PIK3CB: variants seen among roughly 807,000 people sequenced by gnomAD.
PIK3CB encodes phosphatidylinositol 4,5-bisphosphate 3-kinase catalytic subunit beta isoform.
In PIK3CB, 39 loss-of-function variants were observed where a neutral mutation model predicts 136.8. The observed-to-expected ratio is 0.29, with a 90% CI of 0.22 to 0.37. The LOEUF (loss-of-function observed/expected upper bound fraction) is 0.37. Among genes scored for constraint, PIK3CB ranks in the 10% least tolerant of loss-of-function variants. The probability of loss-of-function intolerance (pLI) is 1.00; values close to 1 mark genes in which losing one functional copy is unlikely to be tolerated. For synonymous variants in PIK3CB, 428 were observed against 436.6 expected, an observed-to-expected ratio of 0.98 and a Z score of 0.25; for missense variants, 868 against 1,275.4, an observed-to-expected ratio of 0.68 and a Z score of 4.87.
At chr3:138,726,583 G>A (rs2044841916) in intron 8 of PIK3CB, among the ~76,000 whole-genome samples, 1 of 152,144 alleles carries the variant, frequency 6.6e-6, no homozygotes, top group Non-Finnish European at 1.5e-5. Context: ...GAAACAAAAA[G>A]AGGAGAAAAA....
intron 8 of PIK3CB, among the ~76,000 whole-genome samples, chr3:138,727,306 C>T (rs1213859530): frequency 1.3e-5 from 2 of 152,222 alleles, no homozygotes; most frequent in Non-Finnish European, 2.9e-5. Context: ...ATGATACTGT[C>T]AGCTTTAAGG....
chr3:138,736,921 C>T (rs1297594568), intron 6 of PIK3CB, among the ~76,000 whole-genome samples: 2 of 152,028 alleles, frequency 1.3e-5, no homozygotes, highest in Non-Finnish European at 2.9e-5. Context: ...TGGATAATCA[C>T]AAATAAGTTT....
chr3:138,830,515 C>T lies in PIK3CB; in HGVS notation c.-122+4180G>A, dbSNP rs892338856. Among the ~76,000 whole-genome samples, 3 of 150,170 alleles carry T rather than the reference C, an allele frequency of 2.0e-5. No individual in the cohort carries two copies. The South Asian group carries it at 6.4e-4, about 32-fold the overall frequency. On this transcript the variant is annotated intron_variant, in intron 1 of 23. Coordinates refer to ENST00000674063, the MANE Select transcript of PIK3CB (RefSeq NM_006219.3). ...TTGCAGCGAGCCAAGATGGCGCCAC[C>T]GCACTCCAGCCTGAACGGCAGAGCA... is the stretch of plus-strand genomic sequence containing the variant.
chr3:138,781,675 G>A (rs1007915634), intron 2 of PIK3CB, among the ~76,000 whole-genome samples: 1 of 152,000 alleles, frequency 6.6e-6, no homozygotes, highest in South Asian at 2.1e-4. Flanking sequence ...GGCTGCTCTC[G>A]AACTCCTGAC....
In PIK3CB at chr3:138,711,785, T is replaced by C. The variant is rs149299033; in HGVS notation, c.1399+423A>G. ...TTACTAGCAAAATAATGGTACATTA[T>C]TTGTTGGAAGTATGTTTAAAATACT... On this transcript the variant is annotated intron_variant, in intron 10 of 23. Transcript: ENST00000674063. Among the ~76,000 whole-genome samples the C allele has an allele frequency of 4.5e-3, 681 of 151,934 alleles. 4 individuals are homozygous for C. The highest frequency in any genetic ancestry group is 5.6e-3 in the Non-Finnish European group (380 of 67,940).
chr3:138,655,634 G>T, intron 23 of PIK3CB, 108 bp from the exon 24 acceptor site: 1 of 789,018 alleles, frequency 1.3e-6, no homozygotes, highest in Non-Finnish European at 2.2e-6. Flanking sequence ...CCACCATCAG[G>T]CAGCATGCTT....
chr3:138,783,306 G>A (rs2045941063), intron 2 of PIK3CB, among the ~76,000 whole-genome samples: 1 of 151,130 alleles, frequency 6.6e-6, no homozygotes, highest in Non-Finnish European at 1.5e-5. Flanking sequence ...TTTTGGGACA[G>A]AGTCCCACTC....
At chr3:138,797,403 G>A (rs1051505710) in intron 1 of PIK3CB, among the ~76,000 whole-genome samples, 1 of 152,020 alleles carries the variant, frequency 6.6e-6, no homozygotes, top group African/African-American at 2.4e-5. Flanking sequence ...CTAAATGAGG[G>A]GTCCTGCGTG....
chr3:138,705,048 C>G (rs995532697), intron 11 of PIK3CB, among the ~76,000 whole-genome samples: 1 of 150,284 alleles, frequency 6.7e-6, no homozygotes, highest in East Asian at 2.0e-4. Flanking sequence ...CAGCCTCAAG[C>G]AGATGGGACT....
In PIK3CB at chr3:138,829,860, T is replaced by A. The variant is rs531638737; in HGVS notation, c.-122+4835A>T. Among the ~76,000 whole-genome samples the A allele has an allele frequency of 5.9e-5, 9 of 152,218 alleles. No individual in the cohort carries two copies. The South Asian group carries it at 1.9e-3, about 32-fold the overall frequency. ...AAGAGATCCATGCGAACCCATTACA[T>A]TGAAAGACGCCTAAAAACAGACGAA... On this transcript the variant is annotated intron_variant, in intron 1 of 23. Transcript: ENST00000674063.
chr3:138,829,681 G>A (rs970465898), intron 1 of PIK3CB, among the ~76,000 whole-genome samples: 1 of 152,094 alleles, frequency 6.6e-6, no homozygotes, highest in Admixed American at 6.6e-5. Context: ...CAGCTACTTC[G>A]GAGGCTAAAA....
Position 138,774,116 on chromosome 3 carries a change from C to T in PIK3CB, c.-16-14757G>A, listed in dbSNP as rs557095584. Among the ~76,000 whole-genome samples the T allele has an allele frequency of 3.9e-5, 6 of 152,286 alleles. No individual in the cohort carries two copies. In the East Asian group the frequency reaches 1.2e-3, roughly 29 times the overall value. ...TTTTTAAACACTTTTGCTAATAACGCATAAACAAAAATACCCAACATGTAA... is the reference window on the plus strand; with the variant it reads ...TTTTTAAACACTTTTGCTAATAACGTATAAACAAAAATACCCAACATGTAA... On this transcript the variant is annotated intron_variant, in intron 2 of 23. Coordinates refer to ENST00000674063, the MANE Select transcript of PIK3CB (RefSeq NM_006219.3).
intron 1 of PIK3CB, among the ~76,000 whole-genome samples, chr3:138,827,211 T>C (rs187817931): frequency 1.3e-5 from 2 of 152,152 alleles, no homozygotes; most frequent in Admixed American, 1.3e-4. Context: ...AACAAGGTGG[T>C]TTTGTTTGGT....
intron 1 of PIK3CB, among the ~76,000 whole-genome samples, chr3:138,802,337 G>A (rs1166391949): frequency 4.6e-5 from 7 of 150,744 alleles, no homozygotes; most frequent in Non-Finnish European, 8.9e-5. Flanking sequence ...CCGAGATCGC[G>A]CCATTGCACT....
intron 2 of PIK3CB, among the ~76,000 whole-genome samples, chr3:138,765,740 T>A (rs1389343359): frequency 6.6e-6 from 1 of 150,852 alleles, no homozygotes; most frequent in Non-Finnish European, 1.5e-5. Context: ...TGTAGTCCCA[T>A]CTACCTGGAA....
In PIK3CB at chr3:138,715,129, A is replaced by C. The variant is rs16848339; in HGVS notation, c.1051-410T>G. Among the ~76,000 whole-genome samples the C allele has an allele frequency of 9.0e-3, 1,369 of 152,338 alleles. 22 individuals are homozygous for C. Among genetic ancestry groups the C allele is most frequent in the African/African-American group, 0.03 (1,243 of 41,574 alleles). Reference sequence around the variant, plus strand: ...TCTTACCCTTCTCTATGTGTAGGAAAGAATGAATGGATGAGATGGCTCCAA... The same window carrying C: ...TCTTACCCTTCTCTATGTGTAGGAACGAATGAATGGATGAGATGGCTCCAA... On this transcript the variant is annotated intron_variant, in intron 8 of 23. Transcript: ENST00000674063.
intron 1 of PIK3CB, among the ~76,000 whole-genome samples, chr3:138,806,484 CA>C (rs571260461): frequency 2.6e-4 from 37 of 141,236 alleles, no homozygotes; most frequent in African/African-American, 4.7e-4. Flanking sequence ...GACTCCATCT[CA>C]AAAAAAAAAA....
chr3:138,703,509 A>G lies in PIK3CB; in HGVS notation c.1581+934T>C, dbSNP rs182048379. On this transcript the variant is annotated intron_variant, in intron 12 of 23. Coordinates refer to ENST00000674063, the MANE Select transcript of PIK3CB (RefSeq NM_006219.3). ...AGCTCAACAAAGTCAAACTAGAAAG[A>G]GCCAAAAAATTAAATAAAAAAGCAC... 8.1e-4 allele frequency among the ~76,000 whole-genome samples: 123 copies of G among 152,184 alleles called. 1 individual carries two copies. Among genetic ancestry groups the G allele is most frequent in the African/African-American group, 2.8e-3 (117 of 41,532 alleles).
chr3:138,715,110 C>T (rs1216446668), intron 8 of PIK3CB, among the ~76,000 whole-genome samples: 3 of 152,094 alleles, frequency 2.0e-5, no homozygotes, highest in African/African-American at 7.2e-5. Context: ...CTTGTCTTAC[C>T]CTTCTCTATG....
Sources: gnomAD v4.1 joint callset for allele counts (sites outside exome capture counted in the v4.1 genomes callset) on GRCh38, gnomAD v4.1.1 for gene constraint, MANE v1.5 for transcripts, NCBI Gene and HGNC (gene_info 2026-07-23, HGNC 2026-07-21) for gene names.